UBAP2: variants seen among roughly 807,000 people sequenced by gnomAD.
UBAP2 encodes ubiquitin-associated protein 2.
Under a neutral mutation model 139.6 loss-of-function variants are expected in UBAP2, and 75 were observed. The ratio of observed to expected loss-of-function variants is 0.54; its 90% confidence interval spans 0.45 to 0.65. UBAP2 has a LOEUF of 0.65. Among genes scored for constraint, UBAP2 ranks in the 30% least tolerant of loss-of-function variants. The pLI is 0.00. For synonymous variants in UBAP2, 526 were observed against 526.2 expected, an observed-to-expected ratio of 1.00 and a Z score of 0.01; for missense variants, 1,368 against 1,369.6, an observed-to-expected ratio of 1.00 and a Z score of 0.02.
At chr9:33,979,649 G>A (rs1208467129) in intron 6 of UBAP2, among the ~76,000 whole-genome samples, 6 of 152,070 alleles carry the variant, frequency 3.9e-5, no homozygotes, top group Admixed American at 3.3e-4. Context: ...TTGGGAGGCC[G>A]AGGCGGGCAG....
chr9:33,975,047 T>C (rs575862080), intron 6 of UBAP2, among the ~76,000 whole-genome samples: 107 of 152,232 alleles, frequency 7.0e-4, no homozygotes, highest in Non-Finnish European at 1.1e-3. Flanking sequence ...TGCTGATCAT[T>C]AGGGAAATCC....
At chr9:34,023,474 T>A (rs190563001) in intron 1 of UBAP2, among the ~76,000 whole-genome samples, 5 of 152,326 alleles carry the variant, frequency 3.3e-5, no homozygotes. Flanking sequence ...CTCTTTGTTA[T>A]AACGCAAACT....
intron 5 of UBAP2, among the ~76,000 whole-genome samples, chr9:33,987,530 C>A (rs927755379): frequency 5.9e-5 from 9 of 152,018 alleles, no homozygotes; most frequent in Non-Finnish European, 1.3e-4. Flanking sequence ...ATCACCTGAG[C>A]CCAGGGAGGT....
chr9:34,038,696 G>A (rs1188510288), intron 1 of UBAP2, among the ~76,000 whole-genome samples: 2 of 152,108 alleles, frequency 1.3e-5, no homozygotes, highest in South Asian at 2.1e-4. Flanking sequence ...GCCTCTGCCC[G>A]GCCGCCACCC....
intron 1 of UBAP2, among the ~76,000 whole-genome samples, chr9:34,019,595 G>T (rs1472186954): frequency 6.6e-6 from 1 of 152,026 alleles, no homozygotes; most frequent in Non-Finnish European, 1.5e-5. Context: ...ATGGACGGCA[G>T]TGGTGGTTGC....
chr9:34,002,709 G>A (rs1036243367), intron 2 of UBAP2, among the ~76,000 whole-genome samples: 3 of 151,700 alleles, frequency 2.0e-5, no homozygotes, highest in African/African-American at 7.3e-5. Context: ...GTTTCATTGT[G>A]TCGGCTAGGC....
chr9:34,006,351 C>T (rs958578706), intron 2 of UBAP2, among the ~76,000 whole-genome samples: 17 of 151,742 alleles, frequency 1.1e-4, no homozygotes, highest in African/African-American at 4.1e-4. Context: ...TATCAACAAA[C>T]TTGTCAAGAG....
At chr9:34,029,071 A>G (rs1201394481) in intron 1 of UBAP2, among the ~76,000 whole-genome samples, 1 of 152,076 alleles carries the variant, frequency 6.6e-6, no homozygotes, top group Admixed American at 6.6e-5. Context: ...TGCTATGATC[A>G]TGTCACCGCA....
At chr9:34,039,916 TG>T (rs1826904359) in intron 1 of UBAP2, among the ~76,000 whole-genome samples, 1 of 149,982 alleles carries the variant, frequency 6.7e-6, no homozygotes. Context: ...CCCAGCACTT[TG>T]GGAGGCCGAG....
chr9:33,979,148 G>C (rs1820415338), intron 6 of UBAP2, among the ~76,000 whole-genome samples: 1 of 152,184 alleles, frequency 6.6e-6, no homozygotes, highest in South Asian at 2.1e-4. Flanking sequence ...GGCAGCAGGA[G>C]TATTGCTTGA....
At chr9:33,937,599 CAAAAAAAAAAA>C (rs1185167927) in intron 16 of UBAP2, among the ~76,000 whole-genome samples, 1 of 85,510 alleles carries the variant, frequency 1.2e-5, no homozygotes, top group African/African-American at 5.1e-5. Flanking sequence ...GACTCTGTCT[CAAAAAAAAAAA>C]AAAAAAAAAA....
At chr9:34,030,263 G>A (rs533095276) in intron 1 of UBAP2, among the ~76,000 whole-genome samples, 6 of 152,070 alleles carry the variant, frequency 3.9e-5, no homozygotes, top group African/African-American at 1.4e-4. Flanking sequence ...GGCTAACACG[G>A]TGATACCCCA....
At chr9:34,026,083 C>T (rs998163209) in intron 1 of UBAP2, among the ~76,000 whole-genome samples, 2 of 152,174 alleles carry the variant, frequency 1.3e-5, no homozygotes. Flanking sequence ...TTTCTAAAAA[C>T]CATGTATATA....
intron 12 of UBAP2, 185 bp from the exon 13 acceptor site, chr9:33,948,772 A>G (rs1238598038): frequency 1.9e-6 from 1 of 513,270 alleles, no homozygotes; most frequent in Non-Finnish European, 3.4e-6. Flanking sequence ...GACTAAATAA[A>G]TGCAGCTATC....
rs1416249993 is a variant in UBAP2, at chr9:33,987,182, G to A, written c.443-345C>T. Reference sequence around the variant, plus strand: ...TTCCAGCACTTTGGGAGGCTGAGGCGGGTGGATCACTTGAGGCCAGGAGTT... The same window carrying A: ...TTCCAGCACTTTGGGAGGCTGAGGCAGGTGGATCACTTGAGGCCAGGAGTT... On this transcript the variant is annotated intron_variant, in intron 5 of 28. Coordinates refer to ENST00000379238, the MANE Select transcript of UBAP2 (RefSeq NM_001370062.2). Among the ~76,000 whole-genome samples, 4 of 152,036 alleles carry A rather than the reference G, an allele frequency of 2.6e-5. No individual in the cohort carries two copies. In the South Asian group the frequency reaches 6.2e-4, roughly 24 times the overall value.
At chr9:34,020,808 C>T (rs1197068143) in intron 1 of UBAP2, among the ~76,000 whole-genome samples, 2 of 151,234 alleles carry the variant, frequency 1.3e-5, no homozygotes, top group Non-Finnish European at 3.0e-5. Flanking sequence ...TACAGGCACC[C>T]GCCACCAAGC....
intron 1 of UBAP2, among the ~76,000 whole-genome samples, chr9:34,027,818 C>T (rs1365139470): frequency 6.7e-6 from 1 of 150,188 alleles, no homozygotes; most frequent in African/African-American, 2.5e-5. Flanking sequence ...GCCGAGATTG[C>T]ACCACTGCAC....
chr9:34,030,795 T>C lies in UBAP2; in HGVS notation c.-41-13606A>G, dbSNP rs567843501. 6.6e-5 allele frequency among the ~76,000 whole-genome samples: 10 copies of C among 151,774 alleles called. No individual in the cohort carries two copies. In the South Asian group the frequency reaches 1.5e-3, roughly 22 times the overall value. On this transcript the variant is annotated intron_variant, in intron 1 of 28. Transcript: ENST00000379238. Reference sequence around the variant, plus strand: ...TTTTTAAAAAATTAGCTGGGCATAGTGGCAGGCGCCTGTAGTCCCAACAAC... The same window carrying C: ...TTTTTAAAAAATTAGCTGGGCATAGCGGCAGGCGCCTGTAGTCCCAACAAC...
At chr9:33,958,231 G>C (rs545866073) in intron 10 of UBAP2, among the ~76,000 whole-genome samples, 7 of 152,142 alleles carry the variant, frequency 4.6e-5, no homozygotes, top group Non-Finnish European at 8.8e-5. Flanking sequence ...CAAAGTGCTA[G>C]GGTTACAGGC....
Sources: gnomAD v4.1 joint callset for allele counts (sites outside exome capture counted in the v4.1 genomes callset) on GRCh38, gnomAD v4.1.1 for gene constraint, MANE v1.5 for transcripts, NCBI Gene and HGNC (gene_info 2026-07-23, HGNC 2026-07-21) for gene names.